The following SLC14A2 variants were observed in gnomAD, a reference collection of about 807,000 sequenced individuals.
SLC14A2 encodes solute carrier family 14 member 2.
A neutral mutation model predicts 104.6 loss-of-function variants in SLC14A2; 91 were observed. The ratio of observed to expected loss-of-function variants is 0.87; its 90% CI spans 0.73 to 1.04. The LOEUF (loss-of-function observed/expected upper bound fraction) is 1.04, where lower values mean the gene tolerates loss of function less well. Ranked by LOEUF, SLC14A2 falls within the 50% of genes least tolerant of loss-of-function variation. The probability of loss-of-function intolerance (pLI) is 0.00; values close to 1 mark genes in which losing one functional copy is unlikely to be tolerated. For missense variants in SLC14A2, 1,189 were observed against 1,156.0 expected, an observed-to-expected ratio of 1.03 and a Z score of -0.41; for synonymous variants, 476 against 466.4, an observed-to-expected ratio of 1.02 and a Z score of -0.27.
At chr18:45,295,115 G>A (rs2084906412) in intron 1 of SLC14A2, among the ~76,000 whole-genome samples, 1 of 152,146 alleles carries the variant, frequency 6.6e-6, no homozygotes, top group Non-Finnish European at 1.5e-5. Context: ...AGAGCAAAGT[G>A]GTAAGTGGGG....
intron 1 of SLC14A2, among the ~76,000 whole-genome samples, chr18:45,618,605 G>A (rs1227430711): frequency 6.9e-6 from 1 of 144,548 alleles, no homozygotes; most frequent in Non-Finnish European, 1.5e-5. Context: ...GGAGGAGGAG[G>A]TTGTAGTGAG....
chr18:45,679,276 C>G (rs1374593648), intron 19 of SLC14A2, among the ~76,000 whole-genome samples: 1 of 152,228 alleles, frequency 6.6e-6, no homozygotes, highest in Non-Finnish European at 1.5e-5. Context: ...ATTTGAGGAG[C>G]ATTATCTTGT....
chr18:45,401,976 A>G (rs1372057733), intron 1 of SLC14A2, among the ~76,000 whole-genome samples: 1 of 152,192 alleles, frequency 6.6e-6, no homozygotes, highest in Non-Finnish European at 1.5e-5. Context: ...AGATGGCCAA[A>G]GACAAAGAAC....
At chr18:45,535,479 C>T (rs1009446295) in intron 2 of SLC14A2, among the ~76,000 whole-genome samples, 1 of 152,126 alleles carries the variant, frequency 6.6e-6, no homozygotes, top group African/African-American at 2.4e-5. Flanking sequence ...CCGACCATCC[C>T]GTGAGATATA....
chr18:45,634,994 G>A (rs1367881155), intron 5 of SLC14A2: 1 of 353,558 alleles, frequency 2.8e-6, no homozygotes. Context: ...GAAGATAGAG[G>A]CAATATAACT....
intron 1 of SLC14A2, among the ~76,000 whole-genome samples, chr18:45,262,392 G>A (rs1308384115): frequency 6.6e-6 from 1 of 152,092 alleles, no homozygotes; most frequent in Non-Finnish European, 1.5e-5. Context: ...ACACTGTGAT[G>A]TCCAGCAAAA....
chr18:45,201,981 G>A, the SLC14A2 span, among the ~76,000 whole-genome samples: 1 of 152,078 alleles, frequency 6.6e-6, no homozygotes, highest in Non-Finnish European at 1.5e-5. Context: ...GTCTAATAAT[G>A]AATTATCAAG....
chr18:45,256,057 G>T (rs567178760), intron 1 of SLC14A2, among the ~76,000 whole-genome samples: 1 of 152,140 alleles, frequency 6.6e-6, no homozygotes, highest in Non-Finnish European at 1.5e-5. Context: ...TGACAAGCTG[G>T]GTTATGGGAC....
chr18:45,256,331 G>A (rs1438540204), intron 1 of SLC14A2, among the ~76,000 whole-genome samples: 1 of 152,046 alleles, frequency 6.6e-6, no homozygotes, highest in Non-Finnish European at 1.5e-5. Flanking sequence ...AAATTGTGGG[G>A]AAAAAAATAA....
intron 1 of SLC14A2, among the ~76,000 whole-genome samples, chr18:45,442,166 C>T (rs1199528009): frequency 2.0e-5 from 3 of 152,140 alleles, no homozygotes; most frequent in African/African-American, 7.2e-5. Flanking sequence ...GCTATGTGGT[C>T]TTGGGCAAGT....
At chr18:45,500,404 C>A (rs191231006) in intron 2 of SLC14A2, among the ~76,000 whole-genome samples, 1 of 151,922 alleles carries the variant, frequency 6.6e-6, no homozygotes, top group East Asian at 1.9e-4. Flanking sequence ...GGTGAAACCC[C>A]GTCTCTACTA....
At chr18:45,446,698 GCCCTTT>G (rs912344196) in intron 1 of SLC14A2, among the ~76,000 whole-genome samples, 2 of 152,188 alleles carry the variant, frequency 1.3e-5, no homozygotes, top group African/African-American at 4.8e-5. Context: ...TCTTCTTGCA[GCCCTTT>G]CCCCACCTCG....
chr18:45,666,518 T>C (rs974361610), intron 12 of SLC14A2, among the ~76,000 whole-genome samples: 5 of 151,726 alleles, frequency 3.3e-5, no homozygotes, highest in African/African-American at 9.7e-5. Flanking sequence ...TTCAATTTCA[T>C]ACCCTTATGT....
chr18:45,588,307 C>T (rs1415860215), intron 2 of SLC14A2, among the ~76,000 whole-genome samples: 2 of 152,174 alleles, frequency 1.3e-5, no homozygotes, highest in Non-Finnish European at 2.9e-5. Flanking sequence ...ACTCCAGCTT[C>T]AGGGGCAATT....
At chr18:45,187,229 C>A in the SLC14A2 span, among the ~76,000 whole-genome samples, 2 of 152,004 alleles carry the variant, frequency 1.3e-5, no homozygotes, top group Non-Finnish European at 2.9e-5. Flanking sequence ...CAGGGAGAAC[C>A]ACAGGAGATT....
At chr18:45,629,987 C>T (rs1446780634) in intron 4 of SLC14A2, among the ~76,000 whole-genome samples, 1 of 152,208 alleles carries the variant, frequency 6.6e-6, no homozygotes, top group East Asian at 1.9e-4. Flanking sequence ...TGGAATCCTT[C>T]CTCCCCCAGG....
intron 1 of SLC14A2, among the ~76,000 whole-genome samples, chr18:45,290,821 GT>G (rs1281801080): frequency 6.6e-5 from 10 of 152,234 alleles, no homozygotes; most frequent in African/African-American, 1.9e-4. Context: ...AATTTCATAT[GT>G]GGGTTGCATT....
At position 45,547,325 on chromosome 18, in the gene SLC14A2, G is replaced by A. The variant is rs557334279; in HGVS notation, c.-35+64003G>A. Among the ~76,000 whole-genome samples the A allele has an allele frequency of 3.9e-5, 6 of 152,218 alleles. No individual in the cohort carries two copies. The East Asian group carries it at 7.7e-4, about 20-fold the overall frequency. ...GAAAATTTTTTCAGGGTCATTTAAA[G>A]CCTGACATTGTGCCCCTGAAATGCC... On this transcript the variant is annotated intron_variant, in intron 2 of 20. Transcript: ENST00000586448.
intron 2 of SLC14A2, among the ~76,000 whole-genome samples, chr18:45,511,092 T>C (rs930298025): frequency 8.5e-6 from 1 of 117,386 alleles, no homozygotes; most frequent in African/African-American, 2.6e-5. Flanking sequence ...TCCCCTTTTA[T>C]TGTTGTTTTT....
Sources: allele counts gnomAD v4.1 joint callset (sites outside exome capture counted in the v4.1 genomes callset), GRCh38; gene constraint gnomAD v4.1.1; transcripts MANE v1.5; gene names NCBI Gene and HGNC (gene_info 2026-07-23, HGNC 2026-07-21).